The following CHD5 variants were observed in gnomAD, a reference collection of about 807,000 sequenced individuals.
CHD5 encodes the protein ATP-dependent chromatin remodeler CHD5.
In CHD5, 69 loss-of-function variants were observed where a neutral mutation model predicts 230.3. The ratio of observed to expected loss-of-function variants is 0.30; its 90% CI spans 0.25 to 0.37. CHD5 has a LOEUF of 0.37. CHD5 is among the 10% of genes least tolerant of loss of function. CHD5 has a pLI of 1.00. For missense variants in CHD5, 1,827 were observed against 2,622.8 expected, an observed-to-expected ratio of 0.70 and a Z score of 6.63; for synonymous variants, 1,064 against 1,065.9, an observed-to-expected ratio of 1.00 and a Z score of 0.03.
At chr1:6,150,374 A>G (rs1035700702) in intron 7 of CHD5, among the ~76,000 whole-genome samples, 1 of 137,566 alleles carries the variant, frequency 7.3e-6, no homozygotes, top group Non-Finnish European at 1.5e-5. Flanking sequence ...AAAAGGATGG[A>G]TGGATGGATG....
intron 1 of CHD5, among the ~76,000 whole-genome samples, chr1:6,173,125 G>A (rs1667365210): frequency 7.0e-6 from 1 of 143,738 alleles, no homozygotes; most frequent in Non-Finnish European, 1.5e-5. Context: ...TTTTTTTTTA[G>A]ACGGACTCTC....
chr1:6,126,529 G>A lies in CHD5; in HGVS notation c.4078+43C>T, dbSNP rs368945097. The A allele has an allele frequency of 9.7e-5, 154 of 1,595,590 alleles. No homozygotes were observed. The highest frequency in any genetic ancestry group is 1.2e-4 in the Non-Finnish European group (135 of 1,166,384). On this transcript the variant is annotated intron_variant, in intron 26 of 41. Transcript: ENST00000262450. The surrounding 1 kb of genome is among the most constrained non-coding windows in gnomAD (Gnocchi z 5.7). ...CTGACAGAATCCTGCCCCACCCTCCGCCTCTGGGTGAGGGGCACCAGTCCC... is the reference window on the plus strand; with the variant it reads ...CTGACAGAATCCTGCCCCACCCTCCACCTCTGGGTGAGGGGCACCAGTCCC...
At chr1:6,135,176 C>A (rs1337083736) in intron 18 of CHD5, 54 bp downstream of exon 18, 1 of 1,602,206 alleles carries the variant, frequency 6.2e-7, no homozygotes, top group Non-Finnish European at 8.5e-7. Context: ...CCCAGGAGAC[C>A]AGCCCAGGGG....
At chr1:6,174,534 TGG>T (rs1667389936) in intron 1 of CHD5, among the ~76,000 whole-genome samples, 1 of 128,924 alleles carries the variant, frequency 7.8e-6, no homozygotes, top group Admixed American at 7.7e-5. Flanking sequence ...GATGGATGGA[TGG>T]ATGGCAGATG....
Position 6,149,713 on chromosome 1 carries a change from G to GATGGACAA in CHD5, c.995-302_995-301insTTGTCCAT, listed in dbSNP as rs1391147882. 1.6e-4 allele frequency among the ~76,000 whole-genome samples: 20 copies of GATGGACAA among 126,742 alleles called. No individual in the cohort carries two copies. The East Asian group carries it at 3.9e-3, about 25-fold the overall frequency. 83.1% of individuals were successfully genotyped at this position (126,742 alleles called of 152,430 possible). A position where few individuals can be genotyped will look rare whatever the true frequency, so the allele number is the denominator to read the frequency against. ...GGATAGATGAATGGATGGACAAATG[G>GATGGACAA]ATGGATGGATGGATGATGAATGGAC... On this transcript the variant is annotated intron_variant, in intron 7 of 41. Coordinates refer to ENST00000262450, the MANE Select transcript of CHD5 (RefSeq NM_015557.3).
intron 7 of CHD5, among the ~76,000 whole-genome samples, chr1:6,150,586 C>A (rs1377518685): frequency 4.0e-5 from 6 of 149,096 alleles, no homozygotes; most frequent in Admixed American, 4.0e-4. Flanking sequence ...GGATGAATGG[C>A]TGGATGGATG....
At chr1:6,174,363 G>A (rs539462617) in intron 1 of CHD5, among the ~76,000 whole-genome samples, 2 of 152,366 alleles carry the variant, frequency 1.3e-5, no homozygotes, top group Admixed American at 1.3e-4. Context: ...AGAAGTCTCT[G>A]ATGGGTGGAC....
In CHD5 at chr1:6,148,850, TCA is replaced by T. The variant is rs1385559828; in HGVS notation, c.1383+2_1383+3del. 1.3e-6 allele frequency: 2 copies of T among 1,519,118 alleles called. No individual in the cohort carries two copies. Among genetic ancestry groups the T allele is most frequent in the African/African-American group, 1.4e-5 (1 of 71,362 alleles). The allele number at this position is 1,519,118 out of a possible 1,614,324, so 94.1% of individuals were successfully genotyped here. A position where few individuals can be genotyped will look rare whatever the true frequency, so the allele number is the denominator to read the frequency against. ...GTCCGGCGCGGGGCGGGCGGAACAC[TCA>T]CAGTACAGCGCGGGCAGAGCCATTC... On this transcript the variant is annotated splice_donor_variant and splice_donor_region_variant and intron_variant, in intron 9 of 41. Coordinates refer to ENST00000262450, the MANE Select transcript of CHD5 (RefSeq NM_015557.3). LOFTEE classifies it high-confidence loss of function.
intron 1 of CHD5, among the ~76,000 whole-genome samples, chr1:6,170,857 C>T (rs1184127731): frequency 6.6e-6 from 1 of 152,182 alleles, no homozygotes; most frequent in Non-Finnish European, 1.5e-5. Flanking sequence ...GCAGGGCTGG[C>T]GGGGAGCTGT....
At chr1:6,107,358 A>C (rs944176741) in intron 38 of CHD5, among the ~76,000 whole-genome samples, 1 of 106,914 alleles carries the variant, frequency 9.4e-6, no homozygotes, top group Non-Finnish European at 1.8e-5. Context: ...AGGGATAATG[A>C]AGGAATGATG....
At chr1:6,152,881 G>A (rs1883603) in intron 5 of CHD5, among the ~76,000 whole-genome samples, 13,045 of 152,310 alleles carry the variant, frequency 0.086, 657 homozygotes, top group African/African-American at 0.13. Context: ...CAGGGCCACT[G>A]AAGGCACAGC....
rs1239509610 is a variant in CHD5 at position 6,126,642 on chromosome 1, G to A, written c.4008C>T (p.Ala1336=). ...HHYEQQQEDL[A]RNLGKGKRIR... ...TGCGCTTGCCCTTGCCCAGGTTGCG[G>A]GCCAGGTCCTCCTGCTGCTGCTCAT... Residue 1336 remains alanine, a synonymous_variant, in exon 26 of 42, where the codon GCC becomes GCT. Transcript: ENST00000262450. The surrounding 1 kb of genome is among the most constrained non-coding windows in gnomAD (Gnocchi z 5.7). 2.5e-6 allele frequency: 4 copies of A among 1,613,832 alleles called. No individual in the cohort carries two copies. The highest frequency in any genetic ancestry group is 2.7e-5 in the African/African-American group (2 of 74,904).
intron 13 of CHD5, 37 bp downstream of exon 13, chr1:6,143,786 C>G: frequency 6.4e-7 from 1 of 1,557,714 alleles, no homozygotes; most frequent in Non-Finnish European, 8.8e-7. Context: ...CAGGCCCTGG[C>G]AACCCCACCC....
At position 6,129,393 on chromosome 1, in the gene CHD5, G is replaced by A. The variant is rs12754299; in HGVS notation, c.3388-324C>T. 0.11 allele frequency among the ~76,000 whole-genome samples: 17,079 copies of A among 152,178 alleles called. 1,172 individuals carry two copies. Among genetic ancestry groups the A allele is most frequent in the East Asian group, 0.33 (1,696 of 5,146 alleles). On this transcript the variant is annotated intron_variant, in intron 22 of 41. Transcript: ENST00000262450. The surrounding 1 kb of genome is among the most constrained non-coding windows in gnomAD (Gnocchi z 6.8). ...TGTAACTGAAGCCACACAGAGCTTC[G>A]TGGGGGCCACGGGGAGGTAGGAGGC...
chr1:6,106,733 C>G lies in CHD5; in HGVS notation c.5625G>C (p.Val1875=). The change falls in exon 39 of 42, where the codon GTG becomes GTC. Residue 1875 remains valine (V), a synonymous_variant. Transcript: ENST00000262450. ...EELLSDMKAD[V]TRLPSMLSRI... is the part of the protein sequence containing the mutation. Reference sequence around the variant, plus strand: ...GGGACAGCATGGATGGCAGCCGGGTCACGTCGGCCTTCATGTCGCTCAGCA... The same window carrying G: ...GGGACAGCATGGATGGCAGCCGGGTGACGTCGGCCTTCATGTCGCTCAGCA... 2.5e-6 allele frequency: 4 copies of G among 1,611,928 alleles called. No individual in the cohort carries two copies. Among genetic ancestry groups the G allele is most frequent in the Non-Finnish European group, 2.5e-6 (3 of 1,179,770 alleles).
chr1:6,111,620 C>T (rs1557536560), intron 36 of CHD5, among the ~76,000 whole-genome samples, 155 bp downstream of exon 36: 1 of 151,616 alleles, frequency 6.6e-6, no homozygotes, highest in African/African-American at 2.4e-5. Flanking sequence ...GGGGAGCGGG[C>T]GACACAGCAA....
At chr1:6,110,091 A>T (rs1666261012) in intron 37 of CHD5, 101 bp from the exon 38 acceptor site, 1 of 1,154,664 alleles carries the variant, frequency 8.7e-7, no homozygotes, top group South Asian at 1.6e-5. Flanking sequence ...GGCAGAAAGG[A>T]GGGAAAGAGG....
chr1:6,146,518 G>A lies in CHD5; in HGVS notation c.1591-95C>T. 1.4e-6 allele frequency: 2 copies of A among 1,428,252 alleles called. No homozygotes were observed. The highest frequency in any genetic ancestry group is 1.2e-5 in the South Asian group (1 of 83,708). The allele number at this position is 1,428,252 out of a possible 1,614,324, so 88.5% of individuals were successfully genotyped here. A position where few individuals can be genotyped will look rare whatever the true frequency, so the allele number is the denominator to read the frequency against. On this transcript the variant is annotated intron_variant, in intron 10 of 41. Coordinates refer to ENST00000262450, the MANE Select transcript of CHD5 (RefSeq NM_015557.3). This position sits in a 1 kb window ranked among gnomAD's most constrained non-coding sequence, Gnocchi z 5.1. ...TCCTCTAGCCCCAGCCCAGGTCCCA[G>A]GCAGGACAATCCTCCCGCTCAGCAC...
intron 36 of CHD5, among the ~76,000 whole-genome samples, chr1:6,111,255 C>T (rs1666283079): frequency 6.7e-6 from 1 of 150,246 alleles, no homozygotes; most frequent in African/African-American, 2.4e-5. Context: ...AGAAAAAGGC[C>T]GGGTGTGGTG....
Sources: allele counts gnomAD v4.1 joint callset (sites outside exome capture counted in the v4.1 genomes callset), GRCh38; gene constraint gnomAD v4.1.1; non-coding constraint Gnocchi (gnomAD v3.1); transcripts MANE v1.5; gene names NCBI Gene and HGNC (gene_info 2026-07-23, HGNC 2026-07-21).